The following NAA40 variants were observed in gnomAD, a reference collection of about 807,000 sequenced individuals.
The protein encoded by NAA40 is N-alpha-acetyltransferase 40, NatD catalytic subunit, also known as N-alpha-acetyltransferase 40.
In NAA40, 26 loss-of-function variants were observed where a neutral mutation model predicts 36.6. The ratio of observed to expected loss-of-function variants is 0.71; its 90% CI spans 0.52 to 0.98. The LOEUF (loss-of-function observed/expected upper bound fraction) is 0.98. Among genes scored for constraint, NAA40 ranks in the 50% least tolerant of loss-of-function variants. The pLI, the probability that NAA40 is intolerant of heterozygous loss-of-function variation, is 0.00. For synonymous variants in NAA40, 129 were observed against 108.4 expected (o/e 1.19, Z -1.18); for missense variants, 237 against 306.5 (o/e 0.77, Z 1.69).
chr11:63,952,881 G>A, intron 6 of NAA40, 42 bp downstream of exon 6: 1 of 1,555,372 alleles, frequency 6.4e-7, no homozygotes, highest in South Asian at 1.1e-5. Context: ...GCACTCAGTT[G>A]GAAGGAGCTG....
At chr11:63,940,512 A>G (rs901492) in intron 1 of NAA40, among the ~76,000 whole-genome samples, 149,147 of 152,322 alleles carry the variant, frequency 0.98, 73,095 homozygotes, top group East Asian at 1. Context: ...TTGGGATGCT[A>G]ATACCTCCCC....
chr11:63,939,304 C>A, intron 1 of NAA40: 1 of 1,265,068 alleles, frequency 7.9e-7, no homozygotes, highest in Non-Finnish European at 1.0e-6. Flanking sequence ...AGCCCCTGGT[C>A]CGGGGCCCCA....
chr11:63,945,104 A>C (rs1942166064), intron 1 of NAA40, among the ~76,000 whole-genome samples: 1 of 152,152 alleles, frequency 6.6e-6, no homozygotes, highest in Non-Finnish European at 1.5e-5. Context: ...GCTCTATGCC[A>C]GGAGAATCCC....
intron 1 of NAA40, among the ~76,000 whole-genome samples, chr11:63,941,417 T>A (rs1942107183): frequency 6.6e-6 from 1 of 152,232 alleles, no homozygotes; most frequent in Admixed American, 6.5e-5. Flanking sequence ...ATATTTCTCT[T>A]GCTTCACCAA....
Position 63,940,893 on chromosome 11 carries a change from C to T in NAA40, c.6+1791C>T, listed in dbSNP as rs552241175. ...AAATTTTGGTGAAAGGTCCTAGACA[C>T]AGCCATTGTTGAAACTAAATGAAAC... On this transcript the variant is annotated intron_variant, in intron 1 of 7. Coordinates refer to ENST00000377793, the MANE Select transcript of NAA40 (RefSeq NM_024771.4). 1.4e-3 allele frequency among the ~76,000 whole-genome samples: 206 copies of T among 152,330 alleles called. 1 individual carries two copies. Among genetic ancestry groups the T allele is most frequent in the Non-Finnish European group, 2.4e-3 (161 of 68,034 alleles).
In NAA40 at chr11:63,956,521, C is replaced by G. The variant is rs954235259; in HGVS notation, c.*2042C>G. The G allele has an allele frequency of 5.2e-5, 8 of 152,588 alleles. No homozygotes were observed. The highest frequency in any genetic ancestry group is 1.9e-4 in the African/African-American group (8 of 41,434). The allele number at this position is 152,588 out of a possible 1,614,324, so 9.5% of individuals were successfully genotyped here. A position where few individuals can be genotyped will look rare whatever the true frequency, so the allele number is the denominator to read the frequency against. ...GTGCTTGGTGCCATACCCTGCTCACCCTAGTCTCTGCAGGCCATGTCCTGA... is the reference window on the plus strand; with the variant it reads ...GTGCTTGGTGCCATACCCTGCTCACGCTAGTCTCTGCAGGCCATGTCCTGA... On this transcript the variant is annotated 3_prime_UTR_variant, in exon 8 of 8. Coordinates refer to ENST00000377793, the MANE Select transcript of NAA40 (RefSeq NM_024771.4).
chr11:63,957,214 T>TATATATA lies in NAA40; in HGVS notation c.*2735_*2736insATATATA, dbSNP rs1565176250. 4.7e-5 allele frequency: 3 copies of TATATATA among 63,390 alleles called. No homozygotes were observed. The highest frequency in any genetic ancestry group is 8.3e-5 in the African/African-American group (2 of 24,212). 3.9% of individuals were successfully genotyped at this position (63,390 alleles called of 1,614,324 possible). ...TTGATATATATATATATATATATAT[T>TATATATA]TTTTTTTTTCTTTAGCAGCTTGTTA... On this transcript the variant is annotated 3_prime_UTR_variant, in exon 8 of 8. Coordinates refer to ENST00000377793, the MANE Select transcript of NAA40 (RefSeq NM_024771.4).
intron 3 of NAA40, among the ~76,000 whole-genome samples, chr11:63,949,182 TCAAAA>T (rs1942235909): frequency 6.6e-6 from 1 of 152,092 alleles, no homozygotes; most frequent in African/African-American, 2.4e-5. Context: ...AGATCCTGTC[TCAAAA>T]CAAAACAAAA....
At chr11:63,944,087 A>G (rs1802446697) in intron 1 of NAA40, among the ~76,000 whole-genome samples, 1 of 152,196 alleles carries the variant, frequency 6.6e-6, no homozygotes, top group Non-Finnish European at 1.5e-5. Context: ...GGCTATAAGA[A>G]CAATCCCTGT....
At chr11:63,945,818 A>C in intron 1 of NAA40, 22 bp from the exon 2 acceptor site, 1 of 1,605,492 alleles carries the variant, frequency 6.2e-7, no homozygotes, top group Non-Finnish European at 8.5e-7. Flanking sequence ...ATTCCAGCTA[A>C]CGTTGCTTTT....
rs181091910 is a variant in NAA40 at position 63,953,963 on chromosome 11, T to G, written c.495-9T>G. ...CTTTCTAAAAGGCGTTTGCTCTGCT[T>G]TCTTCCAGCACACAGATGAAGAAGG... On this transcript the variant is annotated splice_polypyrimidine_tract_variant and intron_variant, in intron 6 of 7. Transcript: ENST00000377793. 271 of 1,613,672 alleles carry G rather than the reference T, an allele frequency of 1.7e-4. 1 individual carries two copies. In the African/African-American group the frequency reaches 3.5e-3, roughly 21 times the overall value.
chr11:63,939,464 C>T (rs1441913814), intron 1 of NAA40: 21 of 1,060,296 alleles, frequency 2.0e-5, no homozygotes, highest in Non-Finnish European at 2.2e-5. Context: ...AGCTTCGTCG[C>T]TTTTCACATC....
In NAA40 at chr11:63,955,674, C is replaced by G. The variant is rs1942353073; in HGVS notation, c.*1195C>G. ...CTCTCAGTGGCCAACAGTTGCTTTTCTCTCTGGTGTCACCCTGTGGCAACA... is the reference window on the plus strand; with the variant it reads ...CTCTCAGTGGCCAACAGTTGCTTTTGTCTCTGGTGTCACCCTGTGGCAACA... On this transcript the variant is annotated 3_prime_UTR_variant, in exon 8 of 8. Coordinates refer to ENST00000377793, the MANE Select transcript of NAA40 (RefSeq NM_024771.4). The G allele has an allele frequency of 6.6e-6, 1 of 152,476 alleles. No homozygotes were observed. Among genetic ancestry groups the G allele is most frequent in the South Asian group, 2.1e-4 (1 of 4,834 alleles). The allele number at this position is 152,476 out of a possible 1,614,324, so 9.4% of individuals were successfully genotyped here. A position where few individuals can be genotyped will look rare whatever the true frequency, so the allele number is the denominator to read the frequency against.
chr11:63,939,224 ACCCCCACATGACCCGACT>A, intron 1 of NAA40, 122 bp downstream of exon 1: 1 of 989,872 alleles, frequency 1.0e-6, no homozygotes. Flanking sequence ...GTGACCCCTG[ACCCCCACATGACCCGACT>A]CCCCCATTCT....
chr11:63,939,054 C>G lies in NAA40; in HGVS notation c.-43C>G. The G allele has an allele frequency of 1.9e-6, 3 of 1,601,936 alleles. No homozygotes were observed. Among genetic ancestry groups the G allele is most frequent in the South Asian group, 1.1e-5 (1 of 90,628 alleles). On this transcript the variant is annotated 5_prime_UTR_variant, in exon 1 of 8. Coordinates refer to ENST00000377793, the MANE Select transcript of NAA40 (RefSeq NM_024771.4). Reference sequence around the variant, plus strand: ...GCCACCGCCGTTGCCGCCTCCCTGCCGGCAAGTGTGTGAAGAAGAAGCTGA... The same window carrying G: ...GCCACCGCCGTTGCCGCCTCCCTGCGGGCAAGTGTGTGAAGAAGAAGCTGA...
At chr11:63,939,570 C>A in intron 1 of NAA40, 2 of 810,368 alleles carry the variant, frequency 2.5e-6, no homozygotes, top group Non-Finnish European at 1.5e-6. Flanking sequence ...CCACCTTGGG[C>A]CTCCCGAATC....
intron 3 of NAA40, among the ~76,000 whole-genome samples, chr11:63,950,465 C>G (rs1347577084): frequency 6.7e-6 from 1 of 149,126 alleles, no homozygotes; most frequent in African/African-American, 2.5e-5. Context: ...TGTGATATCT[C>G]ATAGTGTTTT....
chr11:63,952,992 C>G (rs994944212), intron 6 of NAA40, among the ~76,000 whole-genome samples, 153 bp downstream of exon 6: 1 of 150,764 alleles, frequency 6.6e-6, no homozygotes, highest in African/African-American at 2.4e-5. Flanking sequence ...TAAGATGCTC[C>G]CTGCCTTATT....
chr11:63,939,850 C>T (rs1405781269), intron 1 of NAA40, among the ~76,000 whole-genome samples: 1 of 152,076 alleles, frequency 6.6e-6, no homozygotes, highest in Non-Finnish European at 1.5e-5. Context: ...GGCGGCCCAG[C>T]CGCGGATGGA....
Sources: allele counts gnomAD v4.1 joint callset (sites outside exome capture counted in the v4.1 genomes callset), GRCh38; gene constraint gnomAD v4.1.1; transcripts MANE v1.5; gene names NCBI Gene and HGNC (gene_info 2026-07-23, HGNC 2026-07-21).